SERINC5: variants seen among roughly 807,000 people sequenced by gnomAD.
SERINC5 encodes chromosome 5 open reading frame 12.
A neutral mutation model predicts 63.1 loss-of-function variants in SERINC5; 41 were observed. That is an observed-to-expected ratio of 0.65 (90% CI 0.51 to 0.84). The LOEUF is 0.84. Ranked by LOEUF, SERINC5 falls within the 40% of genes least tolerant of loss-of-function variation. The probability of loss-of-function intolerance (pLI) is 0.00; values close to 1 mark genes in which losing one functional copy is unlikely to be tolerated. For synonymous variants in SERINC5, 222 were observed against 215.2 expected, an observed-to-expected ratio of 1.03 and a Z score of -0.28; for missense variants, 523 against 573.0, an observed-to-expected ratio of 0.91 and a Z score of 0.89.
intron 8 of SERINC5, among the ~76,000 whole-genome samples, chr5:80,153,458 G>A (rs1746315055): frequency 6.7e-6 from 1 of 148,488 alleles, no homozygotes; most frequent in Admixed American, 6.6e-5. Context: ...ACTCTTCTTG[G>A]AATTATCAAG....
chr5:80,169,527 T>C lies in SERINC5; in HGVS notation c.571A>G (p.Asn191Asp). Residue 191 changes from asparagine (N) to aspartate (D), a missense_variant, in exon 6 of 12, where the codon AAC (asparagine) becomes GAC (aspartate). Transcript: ENST00000507668. ...NKNWTAGTASNKLWYASLALV... is the reference protein window; with the variant it reads ...NKNWTAGTASDKLWYASLALV... ...GCCAGGGAGGCGTACCACAGCTTGT[T>C]ACTGGCTGTGCCTGCTGTCCTGTTT... 1 of 1,613,412 alleles carries C rather than the reference T, an allele frequency of 6.2e-7. No homozygotes were observed. The highest frequency in any genetic ancestry group is 8.5e-7 in the Non-Finnish European group (1 of 1,179,590).
At chr5:80,215,827 C>T (rs6879270) in intron 1 of SERINC5, among the ~76,000 whole-genome samples, 47,582 of 152,086 alleles carry the variant, frequency 0.31, 7,906 homozygotes, top group East Asian at 0.52. Context: ...AGGCTATGAA[C>T]GCATACAAAG....
rs1378444014 is a variant in SERINC5, at chr5:80,175,881, AAAAAG to A, written c.458-839_458-835del. On this transcript the variant is annotated intron_variant, in intron 4 of 11. Coordinates refer to ENST00000507668, the MANE Select transcript of SERINC5 (RefSeq NM_001174072.3). ...TTGGTCTCAAAAAAAAAAAAAAAAA[AAAAAG>A]GACTGAGCTTGGCCGGCCGCAGTGG... 1.8e-3 allele frequency among the ~76,000 whole-genome samples: 265 copies of A among 146,280 alleles called. 4 individuals are homozygous for A. The highest frequency in any genetic ancestry group is 6.2e-3 in the African/African-American group (239 of 38,248).
intron 1 of SERINC5, among the ~76,000 whole-genome samples, chr5:80,229,521 AG>A (rs558740566): frequency 1.5e-4 from 23 of 152,298 alleles, no homozygotes; most frequent in African/African-American, 4.8e-4. Flanking sequence ...AGTCAACACT[AG>A]GAAAGGGTAA....
At chr5:80,238,249 T>G (rs917354307) in intron 1 of SERINC5, among the ~76,000 whole-genome samples, 5 of 151,398 alleles carry the variant, frequency 3.3e-5, no homozygotes, top group African/African-American at 1.2e-4. Flanking sequence ...CTAGGCAAAA[T>G]GATTTGCATA....
intron 4 of SERINC5, among the ~76,000 whole-genome samples, chr5:80,176,565 G>T (rs924082490): frequency 2.3e-4 from 35 of 151,816 alleles, no homozygotes; most frequent in African/African-American, 7.7e-4. Context: ...CTGAGTAGCT[G>T]GGATTACAGG....
chr5:80,195,269 AG>A (rs1749426970), intron 2 of SERINC5, among the ~76,000 whole-genome samples: 1 of 151,110 alleles, frequency 6.6e-6, no homozygotes. Context: ...CTGGGCAACA[AG>A]AGTGAAACTC....
At chr5:80,162,450 C>T (rs1161795817) in intron 7 of SERINC5, among the ~76,000 whole-genome samples, 2 of 152,230 alleles carry the variant, frequency 1.3e-5, no homozygotes, top group East Asian at 3.9e-4. Flanking sequence ...CATAGCTCAC[C>T]ATAACCTCAA....
At chr5:80,162,145 G>A (rs974559825) in intron 7 of SERINC5, among the ~76,000 whole-genome samples, 3 of 152,158 alleles carry the variant, frequency 2.0e-5, no homozygotes, top group Non-Finnish European at 4.4e-5. Flanking sequence ...CTCCAGCTTT[G>A]AAGTGTGATT....
chr5:80,158,626 A>G (rs1232832783), intron 8 of SERINC5: 2 of 524,824 alleles, frequency 3.8e-6, no homozygotes, highest in Non-Finnish European at 6.7e-6. Context: ...AAATATTTAC[A>G]TACCATATAT....
chr5:80,130,936 G>A (rs140360844), intron 11 of SERINC5, among the ~76,000 whole-genome samples: 280 of 152,340 alleles, frequency 1.8e-3, no homozygotes, highest in African/African-American at 6.2e-3. Context: ...AATGTATATA[G>A]TTGGCTGGAT....
chr5:80,185,418 A>G (rs1313162974), intron 2 of SERINC5, among the ~76,000 whole-genome samples: 1 of 152,212 alleles, frequency 6.6e-6, no homozygotes, highest in Admixed American at 6.5e-5. Context: ...ACATCAGATA[A>G]CACCTGTGAA....
At chr5:80,236,754 T>C (rs974671676) in intron 1 of SERINC5, among the ~76,000 whole-genome samples, 69 of 152,236 alleles carry the variant, frequency 4.5e-4, no homozygotes, top group African/African-American at 1.5e-3. Context: ...CTCGAACTCC[T>C]GACCTCAGGT....
chr5:80,236,880 T>A lies in SERINC5; in HGVS notation c.27+19016A>T, dbSNP rs545475903. On this transcript the variant is annotated intron_variant, in intron 1 of 11. Coordinates refer to ENST00000507668, the MANE Select transcript of SERINC5 (RefSeq NM_001174072.3). ...TTTTTATTTTTTTGAGACAAGGTCT[T>A]GCTCTGTTGCCCAGGCTGGAGTGCA... Among the ~76,000 whole-genome samples the A allele has an allele frequency of 3.3e-5, 5 of 151,520 alleles. No individual in the cohort carries two copies. In the East Asian group the frequency reaches 7.8e-4, roughly 24 times the overall value.
chr5:80,171,586 A>T (rs1270869488), intron 5 of SERINC5, among the ~76,000 whole-genome samples: 3 of 152,172 alleles, frequency 2.0e-5, no homozygotes, highest in Non-Finnish European at 4.4e-5. Context: ...TGGTAGGGTG[A>T]TGATGGCTAG....
intron 1 of SERINC5, among the ~76,000 whole-genome samples, chr5:80,234,758 A>G (rs1484623325): frequency 6.6e-6 from 1 of 152,186 alleles, no homozygotes; most frequent in East Asian, 1.9e-4. Flanking sequence ...TATTGCATAT[A>G]TATGTACCTA....
In SERINC5 at chr5:80,178,079, T is replaced by G. The variant is rs1210284848; in HGVS notation, c.196-15A>C. ...AAAAAAGGAATCTGAGGAGAAAGTT[T>G]AGAAAAGTCATCTGTTACAACTGAG... On this transcript the variant is annotated splice_polypyrimidine_tract_variant and intron_variant, in intron 2 of 11. Coordinates refer to ENST00000507668, the MANE Select transcript of SERINC5 (RefSeq NM_001174072.3). 3.2e-6 allele frequency: 5 copies of G among 1,574,876 alleles called. No individual in the cohort carries two copies. Among genetic ancestry groups the G allele is most frequent in the Middle Eastern group, 1.7e-4 (1 of 5,948 alleles).
chr5:80,222,402 T>G (rs1259730159), intron 1 of SERINC5, among the ~76,000 whole-genome samples: 1 of 152,074 alleles, frequency 6.6e-6, no homozygotes, highest in African/African-American at 2.4e-5. Flanking sequence ...ACAAGTTAGG[T>G]GTCTACAAGG....
chr5:80,146,428 GA>G (rs200087704), intron 10 of SERINC5, among the ~76,000 whole-genome samples, 194 bp from the exon 11 acceptor site: 1,850 of 152,246 alleles, frequency 0.012, 33 homozygotes, highest in African/African-American at 0.042. Flanking sequence ...GTAACAGGAA[GA>G]GTTACCTAAT....
Sources: allele counts gnomAD v4.1 joint callset (sites outside exome capture counted in the v4.1 genomes callset), GRCh38; gene constraint gnomAD v4.1.1; transcripts MANE v1.5; gene names NCBI Gene and HGNC (gene_info 2026-07-23, HGNC 2026-07-21).